CEP131: variants seen among roughly 807,000 people sequenced by gnomAD.
The protein encoded by CEP131 is centrosomal protein of 131 kDa.
CEP131 carries 99 observed loss-of-function variants against 136.8 expected under a neutral mutation model. The observed-to-expected ratio is 0.72, with a 90% CI of 0.62 to 0.86. The LOEUF (loss-of-function observed/expected upper bound fraction) is 0.86, where lower values mean the gene tolerates loss of function less well. Among genes scored for constraint, CEP131 ranks in the 40% least tolerant of loss-of-function variants. The probability of loss-of-function intolerance (pLI) is 0.00; values close to 1 mark genes in which losing one functional copy is unlikely to be tolerated. For missense variants in CEP131, 1,459 were observed against 1,463.0 expected, an observed-to-expected ratio of 1.00 and a Z score of 0.04; for synonymous variants, 646 against 612.7, an observed-to-expected ratio of 1.05 and a Z score of -0.80.
Position 81,196,997 on chromosome 17 carries a change from G to T in CEP131, c.1706C>A (p.Ser569Tyr). The change falls in exon 14 of 26, where the codon TCT (serine) becomes TAT (tyrosine). Residue 569 changes from serine to tyrosine, a missense_variant. Physicochemically the swap from Ser to Tyr is moderately radical, Grantham distance 144. Transcript: ENST00000450824. ...CACCTCCAGCTTCAGCCGCATCACA[G>T]ACGTGCTCACCTCGGACCCCAGCTC... is the stretch of plus-strand genomic sequence containing the variant. ...PLELGSEVST[S>Y]VMRLKLEVEE... 1 of 1,603,014 alleles carries T rather than the reference G, an allele frequency of 6.2e-7. No individual in the cohort carries two copies.
At chr17:81,199,577 T>G in intron 9 of CEP131, 28 bp from the exon 10 acceptor site, 7 of 1,597,048 alleles carry the variant, frequency 4.4e-6, no homozygotes, top group Non-Finnish European at 5.1e-6. Context: ...CTGAGCACTG[T>G]CCCTGGGAGA....
chr17:81,220,074 C>G lies in CEP131; in HGVS notation c.-17-1G>C. On this transcript the variant is annotated splice_acceptor_variant, in intron 1 of 25. Transcript: ENST00000450824. LOFTEE classifies it low-confidence loss of function (5UTR_SPLICE). ...CCTTTCATGGTGGACAAGGCAGGTCCTGAGCGGGGAAGCAAGAGCTGCAAT... is the reference window on the plus strand; with the variant it reads ...CCTTTCATGGTGGACAAGGCAGGTCGTGAGCGGGGAAGCAAGAGCTGCAAT... 6.5e-7 allele frequency: 1 copy of G among 1,527,982 alleles called. No individual in the cohort carries two copies. Among genetic ancestry groups the G allele is most frequent in the Non-Finnish European group, 8.8e-7 (1 of 1,139,506 alleles). The allele number at this position is 1,527,982 out of a possible 1,614,324, so 94.7% of individuals were successfully genotyped here. A position where few individuals can be genotyped will look rare whatever the true frequency, so the allele number is the denominator to read the frequency against.
chr17:81,190,681 A>G lies in CEP131; in HGVS notation c.3065T>C (p.Leu1022Pro). ...CAGCTCCAGCTGCTGGCGGGCCTGCAGCGTGGCCAGCTCGGCCTTGGCCTG... is the reference window on the plus strand; with the variant it reads ...CAGCTCCAGCTGCTGGCGGGCCTGCGGCGTGGCCAGCTCGGCCTTGGCCTG... ...TRQAKAELAT[L>P]QARQQLELEE... The change falls in exon 24 of 26, where the codon CTG (leucine) becomes CCG (proline). Residue 1022 changes from leucine (L) to proline (P), a missense_variant. Physicochemically the swap from Leu to Pro is moderately conservative, Grantham distance 98. Around this residue, in one of 3 missense-constraint regions of CEP131, gnomAD observed 1,026 missense variants for 964.2 expected, o/e 1.06. Coordinates refer to ENST00000450824, the MANE Select transcript of CEP131 (RefSeq NM_014984.4). 2 of 1,603,258 alleles carry G rather than the reference A, an allele frequency of 1.2e-6. No homozygotes were observed. Among genetic ancestry groups the G allele is most frequent in the South Asian group, 1.1e-5 (1 of 90,318 alleles).
Position 81,191,039 on chromosome 17 carries a change from CAGCTCGGAG to C in CEP131, c.2802_2810del (p.Ser935_Leu937del). ...CCTGAAGCTTCCGCTCCGACTGCTC[CAGCTCGGAG>C]AGCTCGGCCTCGTACTTGTCCCGTA... On this transcript the variant is annotated inframe_deletion, in exon 23 of 26. Coordinates refer to ENST00000450824, the MANE Select transcript of CEP131 (RefSeq NM_014984.4). 1.2e-6 allele frequency: 2 copies of C among 1,610,392 alleles called. No individual in the cohort carries two copies. Among genetic ancestry groups the C allele is most frequent in the East Asian group, 4.5e-5 (2 of 44,852 alleles).
At chr17:81,192,961 G>A in intron 18 of CEP131, 118 bp from the exon 19 acceptor site, 1 of 1,445,772 alleles carries the variant, frequency 6.9e-7, no homozygotes, top group East Asian at 2.5e-5. Context: ...AGCCCTCCGG[G>A]GCCCTGCCCC....
intron 1 of CEP131, among the ~76,000 whole-genome samples, chr17:81,221,108 T>C (rs1048322712): frequency 3.4e-5 from 4 of 118,280 alleles, no homozygotes; most frequent in Admixed American, 1.3e-4. Flanking sequence ...CTGGGCAACA[T>C]AGCGAGACTC....
intron 5 of CEP131, among the ~76,000 whole-genome samples, chr17:81,204,982 C>A (rs999254642): frequency 6.6e-6 from 1 of 152,140 alleles, no homozygotes; most frequent in Non-Finnish European, 1.5e-5. Context: ...ACTAAATGGC[C>A]GGGCGCAGTG....
intron 19 of CEP131, 51 bp downstream of exon 19, chr17:81,192,685 G>GGGGGGGGGGCCCCCCC: frequency 6.3e-6 from 3 of 478,414 alleles, no homozygotes; most frequent in Non-Finnish European, 1.2e-5. Flanking sequence ...GGGGGGAGGG[G>GGGGGGGGGGCCCCCCC]TCAGCCAGCG....
At chr17:81,197,101 G>T in intron 13 of CEP131, 46 bp from the exon 14 acceptor site, 1 of 1,557,202 alleles carries the variant, frequency 6.4e-7, no homozygotes, top group Non-Finnish European at 8.7e-7. Flanking sequence ...GAGGACGGGG[G>T]GCAGCCAAGG....
Position 81,198,213 on chromosome 17 carries a change from C to A in CEP131, c.1372G>T (p.Glu458Ter). The part of the protein sequence containing the change: ...RGSAKSRGPL[E>*]ELLHTLQLLE... ...AGCTGCAGTGTGTGCAGCAGCTCCT[C>A]CAGTGGCCCCCTGGACTTGGCGCTC... The change falls in exon 12 of 26, where the codon GAG (glutamate) becomes TAG (stop). Residue 458 changes from glutamate to a stop codon, truncating the protein, a stop_gained. Coordinates refer to ENST00000450824, the MANE Select transcript of CEP131 (RefSeq NM_014984.4). LOFTEE classifies it high-confidence loss of function. 1 of 1,596,510 alleles carries A rather than the reference C, an allele frequency of 6.3e-7. No individual in the cohort carries two copies. The highest frequency in any genetic ancestry group is 2.3e-5 in the East Asian group (1 of 43,778).
chr17:81,199,348 C>A (rs200252348), intron 10 of CEP131, 33 bp downstream of exon 10: 3 of 1,568,380 alleles, frequency 1.9e-6, no homozygotes, highest in Non-Finnish European at 1.7e-6. Context: ...CAGTCCACCC[C>A]CCAGAGCAGG....
Position 81,192,982 on chromosome 17 carries a change from CA to C in CEP131, c.2322-140del, listed in dbSNP as rs2061677246. On this transcript the variant is annotated intron_variant, in intron 18 of 25. Coordinates refer to ENST00000450824, the MANE Select transcript of CEP131 (RefSeq NM_014984.4). ...CCGGGGCCCTGCCCCTCCCCCTCGG[CA>C]GTCAAGGCCCCTCAAAGCCACCGCC... 1.2e-5 allele frequency: 17 copies of C among 1,374,762 alleles called. No homozygotes were observed. In the South Asian group the frequency reaches 2.3e-4, roughly 19 times the overall value. The allele number at this position is 1,374,762 out of a possible 1,614,324, so 85.2% of individuals were successfully genotyped here.
chr17:81,198,092 G>A (rs758624844), intron 12 of CEP131, 23 bp downstream of exon 12: 1 of 1,540,304 alleles, frequency 6.5e-7, no homozygotes, highest in Non-Finnish European at 8.7e-7. Context: ...AGACTGTGCA[G>A]GGCGGGCGCA....
chr17:81,204,014 A>T (rs118190688), intron 5 of CEP131: 27 of 185,656 alleles, frequency 1.5e-4, no homozygotes, highest in Non-Finnish European at 2.9e-4. Context: ...GCGGGAGGAC[A>T]GGACCAATAC....
chr17:81,219,101 C>A lies in CEP131; in HGVS notation c.177+779G>T, dbSNP rs62075324. 6.6e-6 allele frequency among the ~76,000 whole-genome samples: 1 copy of A among 152,138 alleles called. No homozygotes were observed. Among genetic ancestry groups the A allele is most frequent in the Non-Finnish European group, 1.5e-5 (1 of 68,014 alleles). ...GACACCAACTCAGGGTGCAGCAGGC[C>A]CGGCCTGCCTTTCACAGCCCCCATC... On this transcript the variant is annotated intron_variant, in intron 2 of 25. Transcript: ENST00000450824. The surrounding 1 kb of genome is among the most constrained non-coding windows in gnomAD (Gnocchi z 4.0).
chr17:81,211,504 C>T lies in CEP131; in HGVS notation c.178-2482G>A, dbSNP rs186526920. On this transcript the variant is annotated intron_variant, in intron 2 of 25. Coordinates refer to ENST00000450824, the MANE Select transcript of CEP131 (RefSeq NM_014984.4). ...GAGGCTGCTGGAGGAGCTGAAGAGA[C>T]GCAGAAGGGGCAGCAGGCAGAAGCC... is the stretch of plus-strand genomic sequence containing the variant. Among the ~76,000 whole-genome samples the T allele has an allele frequency of 3.4e-3, 511 of 152,304 alleles. 1 individual carries two copies. The highest frequency in any genetic ancestry group is 0.011 in the African/African-American group (470 of 41,564).
Position 81,207,245 on chromosome 17 carries a change from T to C in CEP131, c.273-6A>G, listed in dbSNP as rs369232449. 77 of 1,612,432 alleles carry C rather than the reference T, an allele frequency of 4.8e-5. No homozygotes were observed. In the African/African-American group the frequency reaches 1.0e-3, roughly 21 times the overall value. The stretch of plus-strand genomic sequence containing the variant: ...AGTCTGTGGGCTCCGTTGGCCTGCA[T>C]CCGAGAGAGGGCGGCACACAAGGAA... On this transcript the variant is annotated splice_polypyrimidine_tract_variant and splice_region_variant and intron_variant, in intron 3 of 25. Coordinates refer to ENST00000450824, the MANE Select transcript of CEP131 (RefSeq NM_014984.4).
Position 81,220,079 on chromosome 17 carries a change from C to T in CEP131, c.-17-6G>A, listed in dbSNP as rs781253230. ...CATGGTGGACAAGGCAGGTCCTGAG[C>T]GGGGAAGCAAGAGCTGCAATGAGAT... On this transcript the variant is annotated splice_region_variant and splice_polypyrimidine_tract_variant and intron_variant, in intron 1 of 25. Coordinates refer to ENST00000450824, the MANE Select transcript of CEP131 (RefSeq NM_014984.4). The T allele has an allele frequency of 1.1e-5, 17 of 1,510,224 alleles. No homozygotes were observed. Among genetic ancestry groups the T allele is most frequent in the Middle Eastern group, 2.1e-4 (1 of 4,762 alleles). The allele number at this position is 1,510,224 out of a possible 1,614,324, so 93.6% of individuals were successfully genotyped here.
Position 81,203,355 on chromosome 17 carries a change from G to T in CEP131, c.629+139C>A. On this transcript the variant is annotated intron_variant, in intron 6 of 25. Transcript: ENST00000450824. The surrounding 1 kb of genome is among the most constrained non-coding windows in gnomAD (Gnocchi z 4.6). ...ACCGAGGTTGGACCCCATGCACACT[G>T]ACCGCATGCCCTGACCAAGGTAGAA... 1 of 669,478 alleles carries T rather than the reference G, an allele frequency of 1.5e-6. No homozygotes were observed. Among genetic ancestry groups the T allele is most frequent in the South Asian group, 1.9e-5 (1 of 53,892 alleles). 41.5% of individuals were successfully genotyped at this position (669,478 alleles called of 1,614,324 possible). A position where few individuals can be genotyped will look rare whatever the true frequency, so the allele number is the denominator to read the frequency against.
Sources: gnomAD v4.1 joint callset for allele counts (sites outside exome capture counted in the v4.1 genomes callset) on GRCh38, gnomAD v4.1.1 for gene constraint, gnomAD v4.1.1 regional missense constraint, Gnocchi (gnomAD v3.1) non-coding constraint, MANE v1.5 for transcripts, NCBI Gene and HGNC (gene_info 2026-07-23, HGNC 2026-07-21) for gene names.